Variants in NAALADL2 observed in about 807,000 individuals in gnomAD.
NAALADL2 encodes inactive N-acetylated-alpha-linked acidic dipeptidase-like protein 2.
NAALADL2 carries 76 observed loss-of-function variants against 87.2 expected under a neutral mutation model. That is an observed-to-expected ratio of 0.87 (90% CI 0.72 to 1.05). The LOEUF is 1.05. Ranked by LOEUF, NAALADL2 falls within the 50% of genes least tolerant of loss-of-function variation. The pLI is 0.00. For synonymous variants in NAALADL2, 354 were observed against 331.0 expected, an observed-to-expected ratio of 1.07 and a Z score of -0.75; for missense variants, 1,089 against 945.8, an observed-to-expected ratio of 1.15 and a Z score of -1.99.
At chr3:175,700,158 A>G (rs1354723379) in intron 11 of NAALADL2, among the ~76,000 whole-genome samples, 1 of 152,160 alleles carries the variant, frequency 6.6e-6, no homozygotes, top group African/African-American at 2.4e-5. Flanking sequence ...TGTAAATATT[A>G]TACATTGGAT....
Position 175,802,992 on chromosome 3 carries a change from T to C in NAALADL2, c.2190-13T>C. ...GTGCATGAAACATTTATACATTTTG[T>C]ATTTCTTTTCAGAAACATCCTCTAC... On this transcript the variant is annotated splice_polypyrimidine_tract_variant and intron_variant, in intron 13 of 13. Coordinates refer to ENST00000454872, the MANE Select transcript of NAALADL2 (RefSeq NM_207015.3). 6.3e-7 allele frequency: 1 copy of C among 1,579,392 alleles called. No homozygotes were observed. Among genetic ancestry groups the C allele is most frequent in the East Asian group, 2.2e-5 (1 of 44,596 alleles).
At chr3:174,895,626 C>T (rs1731422194) in intron 1 of NAALADL2, among the ~76,000 whole-genome samples, 1 of 152,136 alleles carries the variant, frequency 6.6e-6, no homozygotes, top group African/African-American at 2.4e-5. Flanking sequence ...ACCAATCCTA[C>T]TCAAACTACA....
chr3:175,583,595 G>A (rs1720109846), intron 10 of NAALADL2, among the ~76,000 whole-genome samples: 1 of 152,048 alleles, frequency 6.6e-6, no homozygotes, highest in Non-Finnish European at 1.5e-5. Context: ...TACTTCATGA[G>A]TATTTTTAAA....
rs114783807 is a variant in NAALADL2, at chr3:175,647,638, G to A, written c.1896+20252G>A. Among the ~76,000 whole-genome samples the A allele has an allele frequency of 6.7e-3, 1,017 of 152,264 alleles. 10 individuals are homozygous for A. Among genetic ancestry groups the A allele is most frequent in the African/African-American group, 0.023 (973 of 41,568 alleles). On this transcript the variant is annotated intron_variant, in intron 11 of 13. Transcript: ENST00000454872. Reference sequence around the variant, plus strand: ...ATCTAATGGGCAGTTTTTGGTTGATGTATTTGCTACTTAAGCTTCAGCAGG... The same window carrying A: ...ATCTAATGGGCAGTTTTTGGTTGATATATTTGCTACTTAAGCTTCAGCAGG...
chr3:174,544,750 T>G (rs1309614653), intron 1 of NAALADL2, among the ~76,000 whole-genome samples: 1 of 151,806 alleles, frequency 6.6e-6, no homozygotes, highest in Non-Finnish European at 1.5e-5. Context: ...TTTGTATTTT[T>G]AGTAGAGATG....
chr3:174,682,745 G>C (rs1727668098), intron 2 of NAALADL2, among the ~76,000 whole-genome samples: 1 of 152,174 alleles, frequency 6.6e-6, no homozygotes. Flanking sequence ...GAGTACAGTA[G>C]TCAAGACCCT....
chr3:175,712,488 C>A (rs1290005188), intron 11 of NAALADL2, among the ~76,000 whole-genome samples: 1 of 151,994 alleles, frequency 6.6e-6, no homozygotes, highest in Non-Finnish European at 1.5e-5. Flanking sequence ...TTTGTACATA[C>A]AACTGATACA....
At chr3:175,697,514 A>G (rs1737996384) in intron 11 of NAALADL2, among the ~76,000 whole-genome samples, 1 of 151,640 alleles carries the variant, frequency 6.6e-6, no homozygotes, top group Non-Finnish European at 1.5e-5. Flanking sequence ...AACTCTGACA[A>G]AACCCTACTT....
At chr3:175,087,052 A>T (rs983927608) in intron 1 of NAALADL2, among the ~76,000 whole-genome samples, 4 of 152,298 alleles carry the variant, frequency 2.6e-5, no homozygotes, top group Admixed American at 2.6e-4. Context: ...AAAAATATTA[A>T]TGTAAAATAT....
intron 11 of NAALADL2, among the ~76,000 whole-genome samples, chr3:175,724,821 A>T (rs1742715544): frequency 6.6e-6 from 1 of 152,056 alleles, no homozygotes; most frequent in South Asian, 2.1e-4. Flanking sequence ...AATATTTTTT[A>T]AAAAACAGAA....
rs147521005 is a variant in NAALADL2 at position 175,617,336 on chromosome 3, G to T, written c.1801-9955G>T. Among the ~76,000 whole-genome samples, 19 of 152,212 alleles carry T rather than the reference G, an allele frequency of 1.2e-4. 1 individual carries two copies. Among genetic ancestry groups the T allele is most frequent in the African/African-American group, 3.9e-4 (16 of 41,528 alleles). On this transcript the variant is annotated intron_variant, in intron 10 of 13. Coordinates refer to ENST00000454872, the MANE Select transcript of NAALADL2 (RefSeq NM_207015.3). The stretch of plus-strand genomic sequence containing the variant: ...AACCATTGGAGCTAGGGAGAGGAGT[G>T]CTGGGACCCATTTGGTCCTGCTGGA...
rs75697545 is a variant in NAALADL2, at chr3:174,627,875, G to A, written c.-115+77238G>A. Among the ~76,000 whole-genome samples the A allele has an allele frequency of 6.2e-3, 940 of 152,210 alleles. 9 individuals carry two copies. The highest frequency in any genetic ancestry group is 0.022 in the African/African-American group (894 of 41,520). On this transcript the variant is annotated intron_variant, in intron 2 of 3. Coordinates refer to the NAALADL2 transcript ENST00000434257. ...GGCACATGTTCTCATTTATAAGTGG[G>A]AGCTAAACAATGGGTATGTACAGCC...
chr3:175,333,408 C>T (rs1203091062), intron 5 of NAALADL2, among the ~76,000 whole-genome samples: 2 of 152,076 alleles, frequency 1.3e-5, no homozygotes, highest in African/African-American at 2.4e-5. Context: ...CAGGTGGTGG[C>T]TGTAAGCAAG....
chr3:175,575,935 G>A, intron 9 of NAALADL2, 106 bp from the exon 10 acceptor site: 2 of 906,050 alleles, frequency 2.2e-6, no homozygotes, highest in Non-Finnish European at 3.3e-6. Flanking sequence ...CAGTCTCCAG[G>A]GAGACATTGA....
intron 5 of NAALADL2, among the ~76,000 whole-genome samples, chr3:175,437,306 A>G (rs1470078674): frequency 1.4e-5 from 2 of 145,404 alleles, no homozygotes; most frequent in Admixed American, 1.4e-4. Context: ...TACACCAACA[A>G]CAGACAAACA....
At chr3:175,581,897 A>C (rs1719839084) in intron 10 of NAALADL2, among the ~76,000 whole-genome samples, 1 of 152,140 alleles carries the variant, frequency 6.6e-6, no homozygotes, top group African/African-American at 2.4e-5. Context: ...CAAAGATTTG[A>C]GCTGTGATTC....
chr3:175,705,677 A>C (rs191367723), intron 11 of NAALADL2, among the ~76,000 whole-genome samples: 1 of 152,090 alleles, frequency 6.6e-6, no homozygotes, highest in Non-Finnish European at 1.5e-5. Flanking sequence ...TTGTGAGTTA[A>C]ATATTATTGC....
At chr3:175,668,595 T>C (rs1733528763) in intron 11 of NAALADL2, among the ~76,000 whole-genome samples, 1 of 152,112 alleles carries the variant, frequency 6.6e-6, no homozygotes, top group African/African-American at 2.4e-5. Context: ...CCACTCTTGG[T>C]AGTTTATATT....
At position 175,762,536 on chromosome 3, in the gene NAALADL2, T is replaced by C. The variant is rs9836108; in HGVS notation, c.2189+7118T>C. ...TAGATCTCAAAAGATTATTAATATTTCAGACTCTGATAATGTTCTCATTTC... is the reference window on the plus strand; with the variant it reads ...TAGATCTCAAAAGATTATTAATATTCCAGACTCTGATAATGTTCTCATTTC... On this transcript the variant is annotated intron_variant, in intron 13 of 13. Transcript: ENST00000454872. Among the ~76,000 whole-genome samples, 982 of 152,252 alleles carry C rather than the reference T, an allele frequency of 6.4e-3. 12 individuals are homozygous for C. The highest frequency in any genetic ancestry group is 0.022 in the African/African-American group (932 of 41,532).
Sources: allele counts gnomAD v4.1 joint callset (sites outside exome capture counted in the v4.1 genomes callset), GRCh38; gene constraint gnomAD v4.1.1; transcripts MANE v1.5; gene names NCBI Gene and HGNC (gene_info 2026-07-23, HGNC 2026-07-21).